The following COPA variants were observed in gnomAD, a reference collection of about 807,000 sequenced individuals.
COPA encodes the protein coat protein complex I subunit alpha.
A neutral mutation model predicts 158.7 loss-of-function variants in COPA; 10 were observed. The ratio of observed to expected loss-of-function variants is 0.06; its 90% CI spans 0.04 to 0.11. The LOEUF (loss-of-function observed/expected upper bound fraction) is 0.11, where lower values mean the gene tolerates loss of function less well. Ranked by LOEUF, COPA falls within the 10% of genes least tolerant of loss-of-function variation. COPA has a pLI of 1.00. For missense variants in COPA, 1,065 were observed against 1,536.7 expected (o/e 0.69, Z 5.13); for synonymous variants, 462 against 542.8 (o/e 0.85, Z 2.07).
At chr1:160,328,996 T>A (rs983723839) in intron 6 of COPA, among the ~76,000 whole-genome samples, 1 of 152,210 alleles carries the variant, frequency 6.6e-6, no homozygotes, top group South Asian at 2.1e-4. Context: ...CATACTCTCA[T>A]TCAGAACTAA....
chr1:160,290,420 A>G, intron 32 of COPA, 72 bp downstream of exon 32: 1 of 1,525,508 alleles, frequency 6.6e-7, no homozygotes, highest in Middle Eastern at 1.8e-4. Flanking sequence ...GAAGAAAAAA[A>G]GGACCACCAT....
chr1:160,326,866 T>C (rs1647246511), intron 6 of COPA, among the ~76,000 whole-genome samples: 1 of 152,292 alleles, frequency 6.6e-6, no homozygotes, highest in South Asian at 2.1e-4. Context: ...TTAAAAACGA[T>C]GGAAAAAGAC....
At position 160,335,250 on chromosome 1, in the gene COPA, A is replaced by G; in HGVS notation, c.301T>C (p.Phe101Leu). 2 of 1,610,186 alleles carry G rather than the reference A, an allele frequency of 1.2e-6. No homozygotes were observed. Among genetic ancestry groups the G allele is most frequent in the East Asian group, 2.2e-5 (1 of 44,772 alleles). The change falls in exon 4 of 33, where the codon TTT (phenylalanine) becomes CTT (leucine). Residue 101 changes from phenylalanine (F) to leucine (L), a missense_variant. Around this residue, in one of 2 missense-constraint regions of COPA, gnomAD observed 85 missense variants for 178.9 expected, o/e 0.48. Transcript: ENST00000241704. The stretch of plus-strand genomic sequence containing the variant: ...CCACCATGACTACTTACATGATGAA[A>G]AAACGTGGTGCGAATATAATCTAAG... ...GHLDYIRTTF[F>L]HHEYPWILSA...
At chr1:160,299,944 T>C (rs763096399) in intron 17 of COPA, among the ~76,000 whole-genome samples, 15 of 152,082 alleles carry the variant, frequency 9.9e-5, no homozygotes, top group Non-Finnish European at 1.5e-4. Flanking sequence ...TTGAATAAAA[T>C]TGATAAGCCT....
At chr1:160,341,720 T>C (rs923312315) in intron 1 of COPA, among the ~76,000 whole-genome samples, 7 of 152,230 alleles carry the variant, frequency 4.6e-5, no homozygotes, top group African/African-American at 1.7e-4. Flanking sequence ...TTTTTTTTCT[T>C]GCATTTCTTT....
chr1:160,333,080 C>T (rs1347132127), intron 5 of COPA, among the ~76,000 whole-genome samples: 2 of 152,214 alleles, frequency 1.3e-5, no homozygotes, highest in Non-Finnish European at 2.9e-5. Context: ...CACGCCACCG[C>T]GTCCAGCTTA....
chr1:160,300,212 T>C (rs751579993), intron 17 of COPA, among the ~76,000 whole-genome samples: 18 of 151,902 alleles, frequency 1.2e-4, no homozygotes, highest in Non-Finnish European at 2.2e-4. Context: ...TGGTGGTGCA[T>C]GTCTGTAATC....
chr1:160,312,536 G>A (rs925796652), intron 10 of COPA, among the ~76,000 whole-genome samples: 2 of 152,234 alleles, frequency 1.3e-5, no homozygotes, highest in Admixed American at 6.5e-5. Flanking sequence ...TTCTCCTACT[G>A]TCTGCTCTCC....
At chr1:160,314,863 G>A (rs901062633) in intron 8 of COPA, among the ~76,000 whole-genome samples, 4 of 152,008 alleles carry the variant, frequency 2.6e-5, no homozygotes, top group Non-Finnish European at 5.9e-5. Flanking sequence ...TAGTACAAAG[G>A]AGGTACTCAA....
intron 1 of COPA, among the ~76,000 whole-genome samples, chr1:160,341,468 C>A (rs1648044580): frequency 6.6e-6 from 1 of 152,230 alleles, no homozygotes; most frequent in Admixed American, 6.5e-5. Context: ...GAAGATACTT[C>A]TACACATAAT....
intron 6 of COPA, among the ~76,000 whole-genome samples, chr1:160,326,816 C>A (rs1316623773): frequency 1.3e-5 from 2 of 152,170 alleles, no homozygotes; most frequent in Non-Finnish European, 2.9e-5. Context: ...CCATTAAAAC[C>A]TTTGGAGGCT....
At chr1:160,312,144 C>T in intron 10 of COPA, 126 bp from the exon 11 acceptor site, 2 of 855,484 alleles carry the variant, frequency 2.3e-6, no homozygotes, top group Non-Finnish European at 1.8e-6. Flanking sequence ...CCCTTATTTG[C>T]CTAAATTCTC....
At position 160,313,983 on chromosome 1, in the gene COPA, A is replaced by G. The variant is rs1659055911; in HGVS notation, c.842+7T>C. On this transcript the variant is annotated splice_region_variant and intron_variant, in intron 9 of 32. Coordinates refer to ENST00000241704, the MANE Select transcript of COPA (RefSeq NM_004371.4). ...GAAAGTTCACACAACACTGAGGACT[A>G]CCTTACCGCTTAGACATATCCCAGA... 6.2e-7 allele frequency: 1 copy of G among 1,608,588 alleles called. No homozygotes were observed. The highest frequency in any genetic ancestry group is 1.7e-4 in the Middle Eastern group (1 of 6,040).
Position 160,288,779 on chromosome 1 carries a change from T to C in COPA, c.*1378A>G, listed in dbSNP as rs1205575326. 4.6e-5 allele frequency among the ~76,000 whole-genome samples: 7 copies of C among 152,304 alleles called. 1 individual carries two copies. The highest frequency in any genetic ancestry group is 4.6e-4 in the Admixed American group (7 of 15,292). ...TGTAATATATATAAAGTACTATTCT[T>C]TTATCTGTATATTACATGTAAAATA... On this transcript the variant is annotated 3_prime_UTR_variant, in exon 33 of 33. Transcript: ENST00000241704.
chr1:160,297,456 C>A lies in COPA; in HGVS notation c.2168-18G>T. ...GATCTCAGCTGCACCAAGTAAGAGA[C>A]ACCAAGTTAGGTCTTTTCTCTTAAG... is the stretch of plus-strand genomic sequence containing the variant. On this transcript the variant is annotated intron_variant, in intron 20 of 32. Transcript: ENST00000241704. The A allele has an allele frequency of 6.2e-7, 1 of 1,613,642 alleles. No individual in the cohort carries two copies. The highest frequency in any genetic ancestry group is 8.5e-7 in the Non-Finnish European group (1 of 1,179,608).
chr1:160,328,081 C>T (rs988184640), intron 6 of COPA, among the ~76,000 whole-genome samples: 2 of 152,154 alleles, frequency 1.3e-5, no homozygotes, highest in African/African-American at 4.8e-5. Flanking sequence ...GAGCATTTAG[C>T]CAGTAGGTAG....
At chr1:160,336,268 G>A (rs941266191) in intron 3 of COPA, among the ~76,000 whole-genome samples, 4 of 151,354 alleles carry the variant, frequency 2.6e-5, no homozygotes, top group South Asian at 4.2e-4. Flanking sequence ...GGGAGGCGGC[G>A]TTTGCAGTGA....
At chr1:160,340,427 C>T in intron 1 of COPA, 133 bp from the exon 2 acceptor site, 1 of 623,602 alleles carries the variant, frequency 1.6e-6, no homozygotes, top group Non-Finnish European at 2.8e-6. Flanking sequence ...TGATTTTTTA[C>T]TGGATGCCAG....
At chr1:160,333,935 A>G (rs1647648877) in intron 4 of COPA, among the ~76,000 whole-genome samples, 1 of 150,720 alleles carries the variant, frequency 6.6e-6, no homozygotes, top group Non-Finnish European at 1.5e-5. Context: ...AGAGGCAGAT[A>G]GTGAAACATA....
Sources: allele counts gnomAD v4.1 joint callset (sites outside exome capture counted in the v4.1 genomes callset), GRCh38; gene constraint gnomAD v4.1.1; regional missense constraint gnomAD v4.1.1; transcripts MANE v1.5; gene names NCBI Gene and HGNC (gene_info 2026-07-23, HGNC 2026-07-21).